MTCL1: variants seen among roughly 807,000 people sequenced by gnomAD.
The protein encoded by MTCL1 is microtubule crosslinking factor 1, also known as microtubule cross-linking factor 1.
A neutral mutation model predicts 141.4 loss-of-function variants in MTCL1; 79 were observed. The observed-to-expected ratio is 0.56, with a 90% confidence interval of 0.47 to 0.67. The LOEUF (loss-of-function observed/expected upper bound fraction) is 0.67, where lower values mean the gene tolerates loss of function less well. Among genes scored for constraint, MTCL1 ranks in the 30% least tolerant of loss-of-function variants. The probability of loss-of-function intolerance (pLI) is 0.00; values close to 1 mark genes in which losing one functional copy is unlikely to be tolerated. For synonymous variants in MTCL1, 914 were observed against 875.8 expected, an observed-to-expected ratio of 1.04 and a Z score of -0.77; for missense variants, 2,177 against 2,113.9, an observed-to-expected ratio of 1.03 and a Z score of -0.59.
exon 10 of MTCL1, chr18:8,798,237 T>G (rs1287323124): frequency 6.3e-7 from 1 of 1,587,962 alleles, no homozygotes; most frequent in Admixed American, 1.8e-5. Flanking sequence ...GGGTGCAGAT[T>G]GGAGATCACA....
At chr18:8,756,711 G>C (rs986407226) in intron 4 of MTCL1, among the ~76,000 whole-genome samples, 1 of 152,148 alleles carries the variant, frequency 6.6e-6, no homozygotes, top group African/African-American at 2.4e-5. Context: ...TCTTTATGCA[G>C]TGAGGTCCAG....
At chr18:8,728,360 G>GGGT (rs2096229716) in intron 4 of MTCL1, among the ~76,000 whole-genome samples, 1 of 151,704 alleles carries the variant, frequency 6.6e-6, no homozygotes, top group Non-Finnish European at 1.5e-5. Flanking sequence ...CTATTTAGTT[G>GGGT]GGTGTGGAAT....
At chr18:8,735,576 CA>C (rs2096270965) in intron 4 of MTCL1, among the ~76,000 whole-genome samples, 1 of 152,116 alleles carries the variant, frequency 6.6e-6, no homozygotes, top group African/African-American at 2.4e-5. Context: ...GGAGGAGGTT[CA>C]GGGGAGTTTG....
In MTCL1 at chr18:8,810,683, C is replaced by G. The variant is rs1386045202; in HGVS notation, c.2605-2296C>G. Among the ~76,000 whole-genome samples, 5 of 152,090 alleles carry G rather than the reference C, an allele frequency of 3.3e-5. No homozygotes were observed. The highest frequency in any genetic ancestry group is 7.4e-5 in the Non-Finnish European group (5 of 68,022). ...TCTTTTAAACTGGGATTTTGTGGTG[C>G]TTGGTGCTTTTCTGGTAGTCTTCTG... is the stretch of plus-strand genomic sequence containing the variant. On this transcript the variant is annotated intron_variant, in intron 11 of 16. Coordinates refer to ENST00000359865, the Ensembl canonical transcript of MTCL1. This position sits in a 1 kb window ranked among gnomAD's most constrained non-coding sequence, Gnocchi z 5.0.
intron 4 of MTCL1, among the ~76,000 whole-genome samples, chr18:8,770,072 A>G (rs111524670): frequency 1.3e-5 from 2 of 152,182 alleles, no homozygotes; most frequent in African/African-American, 2.4e-5. Context: ...AAACCAGAAA[A>G]CAGCCCAAAT....
exon 13 of MTCL1, chr18:8,819,080 T>C: frequency 6.2e-7 from 1 of 1,614,278 alleles, no homozygotes; most frequent in Non-Finnish European, 8.5e-7. Context: ...AGTGGCCATG[T>C]GGCCTTGTGC....
chr18:8,759,895 G>A lies in MTCL1; in HGVS notation c.358-17938G>A, dbSNP rs1340285979. Among the ~76,000 whole-genome samples, 4 of 152,060 alleles carry A rather than the reference G, an allele frequency of 2.6e-5. No homozygotes were observed. In the East Asian group the frequency reaches 5.8e-4, roughly 22 times the overall value. On this transcript the variant is annotated intron_variant, in intron 4 of 16. Coordinates refer to ENST00000359865, the Ensembl canonical transcript of MTCL1. ...GAGGGTGGCGTGGTTTGCGATTCCC[G>A]GTTTCTCCAGGGGGCCCCAGGGGCT... is the stretch of plus-strand genomic sequence containing the variant.
chr18:8,787,169 G>A (rs1159508384), intron 7 of MTCL1: 1 of 152,288 alleles, frequency 6.6e-6, no homozygotes, highest in Non-Finnish European at 1.5e-5. Context: ...GAAACTGGGA[G>A]TGATTTGGGA....
At chr18:8,761,738 G>A (rs2096433639) in intron 4 of MTCL1, among the ~76,000 whole-genome samples, 1 of 152,220 alleles carries the variant, frequency 6.6e-6, no homozygotes, top group African/African-American at 2.4e-5. Context: ...AGAGAAGAGA[G>A]CTTGTGCAGG....
At chr18:8,706,320 G>A (rs2096058334) in exon 1 of MTCL1, 1 of 1,230,402 alleles carries the variant, frequency 8.1e-7, no homozygotes, top group Middle Eastern at 2.1e-4. Flanking sequence ...CCGAACCCCT[G>A]TCCGACGAGC....
At chr18:8,767,728 C>T (rs1318449682) in intron 4 of MTCL1, among the ~76,000 whole-genome samples, 3 of 151,324 alleles carry the variant, frequency 2.0e-5, no homozygotes, top group Non-Finnish European at 4.4e-5. Flanking sequence ...ATTCCATTGT[C>T]CTTAAAAAAT....
chr18:8,765,607 G>A (rs2096456113), intron 4 of MTCL1, among the ~76,000 whole-genome samples: 1 of 152,220 alleles, frequency 6.6e-6, no homozygotes, highest in African/African-American at 2.4e-5. Flanking sequence ...AGGGATGGAA[G>A]TGCCAACAGG....
chr18:8,788,554 C>T (rs62086589), intron 7 of MTCL1, among the ~76,000 whole-genome samples: 13,563 of 152,180 alleles, frequency 0.089, 766 homozygotes, highest in Middle Eastern at 0.13. Context: ...CATTTTGGCC[C>T]GACCAAAACT....
At chr18:8,745,924 A>G (rs1038703603) in intron 4 of MTCL1, among the ~76,000 whole-genome samples, 1 of 152,018 alleles carries the variant, frequency 6.6e-6, no homozygotes, top group Non-Finnish European at 1.5e-5. Flanking sequence ...GGCAACCACC[A>G]TTCTATTTTC....
chr18:8,757,973 G>A (rs900131696), intron 4 of MTCL1, among the ~76,000 whole-genome samples: 1 of 150,820 alleles, frequency 6.6e-6, no homozygotes, highest in African/African-American at 2.4e-5. Context: ...CTGCTCCTTT[G>A]TGAAGTGTTT....
exon 12 of MTCL1, chr18:8,813,021 T>A: frequency 6.2e-7 from 1 of 1,614,120 alleles, no homozygotes; most frequent in Admixed American, 1.7e-5. Context: ...ACTAGGCTCC[T>A]CCGCTGAGAG....
exon 15 of MTCL1, chr18:8,825,002 C>T (rs761382479): frequency 1.9e-6 from 3 of 1,613,144 alleles, no homozygotes; most frequent in Non-Finnish European, 2.5e-6. Flanking sequence ...TCACCATGAC[C>T]ACGGACACCA....
intron 3 of MTCL1, 124 bp downstream of exon 2, chr18:8,718,772 T>C: frequency 2.3e-6 from 2 of 855,824 alleles, no homozygotes; most frequent in Admixed American, 4.2e-5. Context: ...TAAACAGTCT[T>C]GGTTTGCTTT....
intron 13 of MTCL1, among the ~76,000 whole-genome samples, chr18:8,821,196 C>A (rs1442354256): frequency 6.6e-6 from 1 of 152,204 alleles, no homozygotes; most frequent in Non-Finnish European, 1.5e-5. Flanking sequence ...CCACCTCCTC[C>A]ATGACAAAGT....
Sources: gnomAD v4.1 joint callset for allele counts (sites outside exome capture counted in the v4.1 genomes callset) on GRCh38, gnomAD v4.1.1 for gene constraint, Gnocchi (gnomAD v3.1) non-coding constraint, MANE v1.5 for transcripts, NCBI Gene and HGNC (gene_info 2026-07-23, HGNC 2026-07-21) for gene names.